The following NELL2 variants were observed in gnomAD, a reference collection of about 807,000 sequenced individuals.
NELL2 encodes the protein neural EGFL like 2.
Under a neutral mutation model 109.6 loss-of-function variants are expected in NELL2, and 41 were observed. That is an observed-to-expected ratio of 0.37 (90% CI 0.29 to 0.49). The LOEUF is 0.49. Among genes scored for constraint, NELL2 ranks in the 20% least tolerant of loss-of-function variants. NELL2 has a pLI of 0.98. For missense variants in NELL2, 900 were observed against 1,008.3 expected (o/e 0.89, Z 1.45); for synonymous variants, 355 against 344.7 (o/e 1.03, Z -0.33).
chr12:44,608,856 T>C (rs528313490), intron 14 of NELL2, among the ~76,000 whole-genome samples: 1 of 151,334 alleles, frequency 6.6e-6, no homozygotes, highest in South Asian at 2.1e-4. Flanking sequence ...CCCCAGTGGA[T>C]CCCTGAAACC....
At chr12:44,683,306 A>C (rs1356140340) in intron 12 of NELL2, among the ~76,000 whole-genome samples, 1 of 150,928 alleles carries the variant, frequency 6.6e-6, no homozygotes, top group Non-Finnish European at 1.5e-5. Flanking sequence ...TTATCAGCTT[A>C]AGGAGATTTT....
intron 3 of NELL2, among the ~76,000 whole-genome samples, chr12:44,813,097 G>A (rs967570707): frequency 6.6e-6 from 1 of 152,156 alleles, no homozygotes; most frequent in South Asian, 2.1e-4. Flanking sequence ...GACAATTGAA[G>A]TACAGAACAA....
chr12:44,601,007 AC>A (rs1945197324), intron 15 of NELL2, among the ~76,000 whole-genome samples: 1 of 152,176 alleles, frequency 6.6e-6, no homozygotes, highest in African/African-American at 2.4e-5. Flanking sequence ...ATTCAAAGGC[AC>A]AATACAAGTT....
At chr12:44,823,067 A>G (rs570413113) in intron 2 of NELL2, among the ~76,000 whole-genome samples, 2 of 152,318 alleles carry the variant, frequency 1.3e-5, no homozygotes, top group South Asian at 2.1e-4. Flanking sequence ...AACAGAGTCA[A>G]GTTGGAATTC....
chr12:44,806,899 G>A (rs1278606639), intron 3 of NELL2, among the ~76,000 whole-genome samples: 1 of 151,586 alleles, frequency 6.6e-6, no homozygotes, highest in African/African-American at 2.4e-5. Flanking sequence ...GAGGGAGGGG[G>A]AGAGATACAA....
chr12:44,526,100 T>C (rs766254563), intron 16 of NELL2, among the ~76,000 whole-genome samples: 12 of 152,210 alleles, frequency 7.9e-5, no homozygotes, highest in Admixed American at 5.2e-4. Flanking sequence ...GTTAAGAAAT[T>C]TGAACTTTTT....
intron 1 of NELL2, among the ~76,000 whole-genome samples, chr12:44,895,536 T>G (rs1945583226): frequency 6.6e-6 from 1 of 152,152 alleles, no homozygotes; most frequent in Non-Finnish European, 1.5e-5. Context: ...GGAGGAACCA[T>G]TTGGTTAAGT....
chr12:44,577,571 G>A (rs533660888), intron 15 of NELL2, among the ~76,000 whole-genome samples: 22 of 141,800 alleles, frequency 1.6e-4, no homozygotes, highest in Middle Eastern at 3.9e-3. Context: ...CCCGCCTCCC[G>A]GGTTCACACC....
At chr12:44,774,593 C>G in intron 9 of NELL2, 154 bp downstream of exon 9, 1 of 652,650 alleles carries the variant, frequency 1.5e-6, no homozygotes, top group Non-Finnish European at 2.6e-6. Context: ...TGGAAAAGAA[C>G]TAATCAACCA....
At chr12:44,586,070 G>A (rs924305212) in intron 15 of NELL2, among the ~76,000 whole-genome samples, 1 of 151,676 alleles carries the variant, frequency 6.6e-6, no homozygotes, top group Non-Finnish European at 1.5e-5. Context: ...CTACAAGATG[G>A]AGGTCTTTCA....
chr12:44,727,745 A>G (rs1423367911), intron 9 of NELL2, among the ~76,000 whole-genome samples: 1 of 152,092 alleles, frequency 6.6e-6, no homozygotes, highest in African/African-American at 2.4e-5. Flanking sequence ...TTTGACAGCT[A>G]TGCTAAATGA....
chr12:44,718,464 CAT>C (rs1490642892), intron 9 of NELL2, among the ~76,000 whole-genome samples: 1 of 152,160 alleles, frequency 6.6e-6, no homozygotes, highest in Non-Finnish European at 1.5e-5. Context: ...ATTGCATGCA[CAT>C]GTTTACAGCC....
chr12:44,614,074 ATAT>A (rs1265371374), intron 13 of NELL2, among the ~76,000 whole-genome samples: 3 of 152,100 alleles, frequency 2.0e-5, no homozygotes, highest in Non-Finnish European at 4.4e-5. Context: ...TTTATGTCTC[ATAT>A]ATTGAAAGGC....
At chr12:44,743,721 A>G (rs1450386646) in intron 9 of NELL2, among the ~76,000 whole-genome samples, 1 of 152,230 alleles carries the variant, frequency 6.6e-6, no homozygotes, top group African/African-American at 2.4e-5. Flanking sequence ...ACATAATGGT[A>G]AAGGGATCAA....
At chr12:44,812,197 A>G (rs1943201693) in intron 3 of NELL2, among the ~76,000 whole-genome samples, 1 of 152,162 alleles carries the variant, frequency 6.6e-6, no homozygotes. Context: ...AGAAGGCTCC[A>G]CTGGCACATT....
intron 2 of NELL2, among the ~76,000 whole-genome samples, chr12:44,820,114 A>C (rs910862046): frequency 6.6e-6 from 1 of 152,264 alleles, no homozygotes; most frequent in Non-Finnish European, 1.5e-5. Context: ...ATTGTATCAC[A>C]GTTTTCGGTT....
intron 2 of NELL2, among the ~76,000 whole-genome samples, chr12:44,847,216 A>G (rs1374920339): frequency 6.6e-6 from 1 of 152,224 alleles, no homozygotes; most frequent in Admixed American, 6.5e-5. Flanking sequence ...CCAGTGAAGT[A>G]AGGAAGCAAA....
intron 9 of NELL2, among the ~76,000 whole-genome samples, chr12:44,761,870 G>A (rs1198440912): frequency 1.3e-5 from 2 of 152,094 alleles, no homozygotes; most frequent in Non-Finnish European, 2.9e-5. Context: ...AGATAGTGGG[G>A]AGTTCAAAAG....
intron 13 of NELL2, among the ~76,000 whole-genome samples, chr12:44,631,653 A>AG (rs1406680028): frequency 1.3e-5 from 2 of 152,090 alleles, no homozygotes; most frequent in African/African-American, 4.8e-5. Flanking sequence ...TCAGGTAACA[A>AG]GCCTATTTTG....
Sources: gnomAD v4.1 joint callset for allele counts (sites outside exome capture counted in the v4.1 genomes callset) on GRCh38, gnomAD v4.1.1 for gene constraint, MANE v1.5 for transcripts, NCBI Gene and HGNC (gene_info 2026-07-23, HGNC 2026-07-21) for gene names.